The following FBN2 variants were observed in gnomAD, a reference collection of about 807,000 sequenced individuals.
FBN2 encodes fibrillin 2.
Under a neutral mutation model 355.6 loss-of-function variants are expected in FBN2, and 105 were observed. The ratio of observed to expected loss-of-function variants is 0.30; its 90% CI spans 0.25 to 0.35. The LOEUF (loss-of-function observed/expected upper bound fraction) is 0.35, where lower values mean the gene tolerates loss of function less well. Ranked by LOEUF, FBN2 falls within the 10% of genes least tolerant of loss-of-function variation. FBN2 has a pLI of 1.00. For missense variants in FBN2, 3,280 were observed against 3,758.7 expected (o/e 0.87, Z 3.33); for synonymous variants, 1,350 against 1,301.2 (o/e 1.04, Z -0.81).
intron 6 of FBN2, among the ~76,000 whole-genome samples, chr5:128,458,355 T>C (rs1754461893): frequency 6.6e-6 from 1 of 151,928 alleles, no homozygotes; most frequent in Non-Finnish European, 1.5e-5. Flanking sequence ...CACACAATAA[T>C]AGTGGGAGAC....
In FBN2 at chr5:128,291,591, C is replaced by T; in HGVS notation, c.6230G>A (p.Gly2077Glu). 1 of 1,613,608 alleles carries T rather than the reference C, an allele frequency of 6.2e-7. No homozygotes were observed. Among genetic ancestry groups the T allele is most frequent in the Non-Finnish European group, 8.5e-7 (1 of 1,179,648 alleles). Residue 2077 changes from glycine to glutamate, a missense_variant, in exon 49 of 65, where the codon GGG becomes GAG. Around this residue, in one of 6 missense-constraint regions of FBN2, gnomAD observed 2,284 missense variants for 2,749.5 expected, o/e 0.83. Transcript: ENST00000262464. Reference protein sequence around the residue: ...CLFGSCTNTPGGFQCLCPPGF... With the variant: ...CLFGSCTNTPEGFQCLCPPGF... Reference sequence around the variant, plus strand: ...AGGGGGGCAGAGGCACTGGAAGCCCCCTGGAGTATTAGTACAGGAACCAAA... The same window carrying T: ...AGGGGGGCAGAGGCACTGGAAGCCCTCTGGAGTATTAGTACAGGAACCAAA...
intron 5 of FBN2, among the ~76,000 whole-genome samples, chr5:128,501,862 A>C (rs1755824578): frequency 6.6e-6 from 1 of 152,156 alleles, no homozygotes; most frequent in African/African-American, 2.4e-5. Context: ...TAAAAGATCA[A>C]AAGTCTAAAA....
At chr5:128,534,648 A>G (rs1009357594) in intron 2 of FBN2, among the ~76,000 whole-genome samples, 6 of 152,216 alleles carry the variant, frequency 3.9e-5, no homozygotes, top group African/African-American at 1.4e-4. Context: ...TTCAAGTCTC[A>G]GAAATGCAGA....
intron 6 of FBN2, among the ~76,000 whole-genome samples, chr5:128,457,297 A>G (rs1278976866): frequency 6.6e-6 from 1 of 152,176 alleles, no homozygotes; most frequent in African/African-American, 2.4e-5. Context: ...GAAACATGAG[A>G]CTTCATAAAA....
intron 48 of FBN2, among the ~76,000 whole-genome samples, chr5:128,292,607 A>G (rs1749356243): frequency 6.6e-6 from 1 of 152,052 alleles, no homozygotes; most frequent in South Asian, 2.1e-4. Context: ...CACCGCCACC[A>G]CCACCAACAA....
intron 6 of FBN2, among the ~76,000 whole-genome samples, chr5:128,457,853 A>C (rs927099673): frequency 2.0e-5 from 3 of 151,914 alleles, no homozygotes; most frequent in South Asian, 2.1e-4. Context: ...AAAAAAAAAA[A>C]ACAAAAAACA....
chr5:128,275,392 A>G (rs1215299706), intron 59 of FBN2, among the ~76,000 whole-genome samples: 1 of 151,860 alleles, frequency 6.6e-6, no homozygotes, highest in Non-Finnish European at 1.5e-5. Flanking sequence ...GTACAACTGA[A>G]CATAAACAAT....
In FBN2 at chr5:128,501,901, A is replaced by T. The variant is rs567453325; in HGVS notation, c.628+17372T>A. On this transcript the variant is annotated intron_variant, in intron 5 of 64. Coordinates refer to ENST00000262464, the MANE Select transcript of FBN2 (RefSeq NM_001999.4). ...GAAATCAATATACTTGAAGTAGAGA[A>T]CCTAAAAATGGAGAAAAATGACTCG... Among the ~76,000 whole-genome samples, 394 of 152,274 alleles carry T rather than the reference A, an allele frequency of 2.6e-3. 2 individuals are homozygous for T. The highest frequency in any genetic ancestry group is 4.7e-3 in the Non-Finnish European group (317 of 68,008).
chr5:128,514,615 T>C (rs1756230356), intron 5 of FBN2, among the ~76,000 whole-genome samples: 1 of 152,188 alleles, frequency 6.6e-6, no homozygotes. Flanking sequence ...CACTCTTGTA[T>C]ATTCTAATTT....
intron 4 of FBN2, among the ~76,000 whole-genome samples, chr5:128,526,368 T>G (rs1756562357): frequency 6.6e-6 from 1 of 152,090 alleles, no homozygotes; most frequent in African/African-American, 2.4e-5. Flanking sequence ...ATAATACAAT[T>G]ATCATGTAAT....
At chr5:128,498,249 C>T (rs1381264174) in intron 5 of FBN2, among the ~76,000 whole-genome samples, 1 of 152,194 alleles carries the variant, frequency 6.6e-6, no homozygotes, top group Non-Finnish European at 1.5e-5. Context: ...AGGGCTTATG[C>T]AAAATCTCAT....
At chr5:128,332,457 C>T (rs902455013) in intron 32 of FBN2, among the ~76,000 whole-genome samples, 5 of 152,100 alleles carry the variant, frequency 3.3e-5, no homozygotes, top group African/African-American at 9.7e-5. Context: ...TCTTGGAATG[C>T]AAGAAAGCAT....
At chr5:128,428,775 A>T (rs1400363942) in intron 7 of FBN2, among the ~76,000 whole-genome samples, 2 of 152,218 alleles carry the variant, frequency 1.3e-5, no homozygotes, top group Non-Finnish European at 2.9e-5. Flanking sequence ...AGGGTCTAGA[A>T]CAGTGACGGA....
intron 57 of FBN2, among the ~76,000 whole-genome samples, 200 bp downstream of exon 57, chr5:128,278,435 C>A (rs1261315899): frequency 6.6e-6 from 1 of 152,114 alleles, no homozygotes; most frequent in Non-Finnish European, 1.5e-5. Flanking sequence ...AAGATTAACT[C>A]CTAAAATCTC....
chr5:128,369,315 G>C lies in FBN2; in HGVS notation c.2115C>G (p.Thr705=), dbSNP rs763844538. 2.5e-5 allele frequency: 41 copies of C among 1,614,098 alleles called. No homozygotes were observed. The South Asian group carries it at 4.1e-4, about 16-fold the overall frequency. The change falls in exon 16 of 65, where the codon ACC becomes ACG. Residue 705 remains threonine (T), a synonymous_variant. Coordinates refer to ENST00000262464, the MANE Select transcript of FBN2 (RefSeq NM_001999.4). ...RVCVDTHMRS[T]CYGGIKKGVC... Reference sequence around the variant, plus strand: ...CTCCTTTCTTGATTCCTCCATAGCAGGTACTGCGCATGTGAGTATCTAAAG... The same window carrying C: ...CTCCTTTCTTGATTCCTCCATAGCACGTACTGCGCATGTGAGTATCTAAAG...
chr5:128,302,878 A>C, intron 46 of FBN2, 95 bp downstream of exon 46: 2 of 791,900 alleles, frequency 2.5e-6, no homozygotes, highest in Non-Finnish European at 4.5e-6. Context: ...AATTTTAGTA[A>C]TATAATTTTT....
chr5:128,502,937 T>C (rs926411025), intron 5 of FBN2, among the ~76,000 whole-genome samples: 2 of 152,214 alleles, frequency 1.3e-5, no homozygotes, highest in African/African-American at 4.8e-5. Context: ...GACAATAAAT[T>C]ATAAAAACAT....
intron 55 of FBN2, among the ~76,000 whole-genome samples, chr5:128,285,982 A>G (rs1749136568): frequency 6.6e-6 from 1 of 152,186 alleles, no homozygotes; most frequent in Admixed American, 6.5e-5. Flanking sequence ...AGAAGACACG[A>G]TGATTAAGAA....
At chr5:128,289,325 A>C in intron 51 of FBN2, 73 bp from the exon 52 acceptor site, 1 of 1,538,138 alleles carries the variant, frequency 6.5e-7, no homozygotes, top group Non-Finnish European at 9.0e-7. Context: ...GCTCATGCTT[A>C]TAAATCCCAG....
Sources: gnomAD v4.1 joint callset for allele counts (sites outside exome capture counted in the v4.1 genomes callset) on GRCh38, gnomAD v4.1.1 for gene constraint, gnomAD v4.1.1 regional missense constraint, MANE v1.5 for transcripts, NCBI Gene and HGNC (gene_info 2026-07-23, HGNC 2026-07-21) for gene names.